The following LONP2 variants were observed in gnomAD, a reference collection of about 807,000 sequenced individuals.
LONP2 encodes lon protease homolog 2, peroxisomal.
In LONP2, 60 loss-of-function variants were observed where a neutral mutation model predicts 85.6. The observed-to-expected ratio is 0.70, with a 90% CI of 0.57 to 0.87. The LOEUF (loss-of-function observed/expected upper bound fraction) is 0.87. LONP2 is among the 40% of genes least tolerant of loss of function. The pLI is 0.00. For missense variants in LONP2, 860 were observed against 1,063.5 expected (o/e 0.81, Z 2.66); for synonymous variants, 395 against 389.7 (o/e 1.01, Z -0.16).
At chr16:48,334,652 C>T (rs533800569) in intron 12 of LONP2, 47 of 604,288 alleles carry the variant, frequency 7.8e-5, no homozygotes, top group South Asian at 5.6e-4. Flanking sequence ...CAGCATCAGG[C>T]GCAGGGTGGA....
chr16:48,270,055 A>G lies in LONP2; in HGVS notation c.1022A>G (p.Asn341Ser), dbSNP rs1972070519. ...DIRAARILLDNDHYAMEKLKK... is the reference protein window; with the variant it reads ...DIRAARILLDSDHYAMEKLKK... ...AGGGCAGCCCGGATTCTTCTGGATA[A>G]TGACCATTACGCCATGGAAAAATTG... is the stretch of plus-strand genomic sequence containing the variant. Residue 341 changes from asparagine to serine, a missense_variant, in exon 7 of 15, where the codon AAT becomes AGT. Asn to Ser is a conservative substitution (Grantham distance 46). This residue lies in a region of LONP2 where 743 missense variants were observed against 917.3 expected (regional missense o/e 0.81). Coordinates refer to ENST00000285737, the MANE Select transcript of LONP2 (RefSeq NM_031490.5). The G allele has an allele frequency of 1.2e-6, 2 of 1,613,938 alleles. No homozygotes were observed. Among genetic ancestry groups the G allele is most frequent in the African/African-American group, 1.3e-5 (1 of 74,924 alleles).
chr16:48,361,571 A>T (rs1428700079), downstream of LONP2: 3 of 1,609,754 alleles, frequency 1.9e-6, no homozygotes, highest in Non-Finnish European at 2.5e-6. Flanking sequence ...AAAATGTTTG[A>T]TTGCCATTTC....
At chr16:48,338,090 G>A (rs1959706644) in intron 12 of LONP2, among the ~76,000 whole-genome samples, 1 of 152,174 alleles carries the variant, frequency 6.6e-6, no homozygotes. Context: ...TTATAGGCAT[G>A]AGCCACCAAA....
intron 11 of LONP2, among the ~76,000 whole-genome samples, chr16:48,323,879 T>G (rs908435045): frequency 1.3e-5 from 2 of 152,188 alleles, no homozygotes; most frequent in Non-Finnish European, 2.9e-5. Context: ...GCATTTGATC[T>G]ACAGATTTCT....
At position 48,249,730 on chromosome 16, in the gene LONP2, A is replaced by AT. The variant is rs201469570; in HGVS notation, c.234-2394dup. Among the ~76,000 whole-genome samples the AT allele has an allele frequency of 5.7e-3, 871 of 151,980 alleles. 6 individuals carry two copies. Among genetic ancestry groups the AT allele is most frequent in the African/African-American group, 0.02 (819 of 41,438 alleles). On this transcript the variant is annotated intron_variant, in intron 1 of 14. Transcript: ENST00000285737. ...ATCTCTGTTAAAAAAAGAAAAAAAAATTTTTTTAAAGGGATAATTTCTAGT... is the reference window on the plus strand; with the variant it reads ...ATCTCTGTTAAAAAAAGAAAAAAAAATTTTTTTTAAAGGGATAATTTCTAGT...
chr16:48,331,800 G>A (rs945528174), intron 11 of LONP2, among the ~76,000 whole-genome samples: 7 of 152,152 alleles, frequency 4.6e-5, no homozygotes, highest in Admixed American at 3.3e-4. Context: ...TCCTGACCTC[G>A]TGATCCACGC....
chr16:48,258,517 A>C, intron 3 of LONP2, 101 bp from the exon 4 acceptor site: 2 of 1,201,834 alleles, frequency 1.7e-6, no homozygotes, highest in Non-Finnish European at 2.3e-6. Flanking sequence ...ACTGTTAATA[A>C]TTTTTTTTTA....
chr16:48,361,468 T>C (rs1363470125), downstream of LONP2: 2 of 979,834 alleles, frequency 2.0e-6, no homozygotes, highest in African/African-American at 1.6e-5. Context: ...TTTACCTTCA[T>C]GTGTCTAGCT....
At position 48,354,929 on chromosome 16, in the gene LONP2, A is replaced by T. The variant is rs1382557640; in HGVS notation, c.*3127A>T. 1 of 152,210 alleles carries T rather than the reference A, an allele frequency of 6.6e-6. No individual in the cohort carries two copies. The highest frequency in any genetic ancestry group is 2.4e-5 in the African/African-American group (1 of 41,442). The allele number at this position is 152,210 out of a possible 1,614,324, so 9.4% of individuals were successfully genotyped here. A position where few individuals can be genotyped will look rare whatever the true frequency, so the allele number is the denominator to read the frequency against. On this transcript the variant is annotated 3_prime_UTR_variant, in exon 15 of 15. Transcript: ENST00000285737. ...TGCCTTGCAGAACCATGACCTATCAAGGTGTTTTGTCAAACAAAAACTAAT... is the reference window on the plus strand; with the variant it reads ...TGCCTTGCAGAACCATGACCTATCATGGTGTTTTGTCAAACAAAAACTAAT...
intron 11 of LONP2, among the ~76,000 whole-genome samples, chr16:48,321,944 CTT>C (rs112813148): frequency 1.4e-5 from 2 of 141,482 alleles, no homozygotes; most frequent in African/African-American, 2.6e-5. Context: ...TAATTTTTTT[CTT>C]TTTTTTTTTT....
chr16:48,340,496 T>C (rs1338780743), intron 12 of LONP2, among the ~76,000 whole-genome samples: 1 of 152,242 alleles, frequency 6.6e-6, no homozygotes, highest in African/African-American at 2.4e-5. Flanking sequence ...TTTACTTTCA[T>C]CGAAGATGAA....
downstream of LONP2, chr16:48,361,222 C>T (rs1235821757): frequency 4.3e-6 from 1 of 233,444 alleles, no homozygotes; most frequent in African/African-American, 2.3e-5. Context: ...CAAACACGCA[C>T]ACACCCACGC....
intron 13 of LONP2, 127 bp from the exon 14 acceptor site, chr16:48,347,973 C>A: frequency 3.4e-6 from 3 of 876,140 alleles, no homozygotes; most frequent in Non-Finnish European, 5.3e-6. Context: ...CCAAATTGTA[C>A]TGTCCACCAA....
chr16:48,297,453 G>T (rs1270685142), intron 9 of LONP2, among the ~76,000 whole-genome samples: 1 of 152,050 alleles, frequency 6.6e-6, no homozygotes, highest in Non-Finnish European at 1.5e-5. Context: ...GGGACTACAG[G>T]TGTGCACCAT....
chr16:48,269,691 C>G (rs1347755350), intron 6 of LONP2, among the ~76,000 whole-genome samples: 1 of 151,908 alleles, frequency 6.6e-6, no homozygotes, highest in Non-Finnish European at 1.5e-5. Flanking sequence ...AAAAAATCAC[C>G]CTTTTTTTTA....
chr16:48,290,937 G>A (rs1298190724), intron 8 of LONP2, among the ~76,000 whole-genome samples: 1 of 152,106 alleles, frequency 6.6e-6, no homozygotes, highest in Non-Finnish European at 1.5e-5. Context: ...AGCTGTGGAG[G>A]GACTGCCAGC....
rs1960146256 is a variant in LONP2 at position 48,351,513 on chromosome 16, G to A, written c.2338-68G>A. ...TAGTGGTTAAATTCAGTGAAAGAAA[G>A]CTGGGTCAGGGTTTCTTTCAGCTTG... On this transcript the variant is annotated intron_variant, in intron 14 of 14. Coordinates refer to ENST00000285737, the MANE Select transcript of LONP2 (RefSeq NM_031490.5). 3 of 1,246,044 alleles carry A rather than the reference G, an allele frequency of 2.4e-6. No homozygotes were observed. The South Asian group carries it at 4.1e-5, about 17-fold the overall frequency. The allele number at this position is 1,246,044 out of a possible 1,614,324, so 77.2% of individuals were successfully genotyped here.
At chr16:48,301,540 C>T (rs1972804625) in intron 10 of LONP2, among the ~76,000 whole-genome samples, 2 of 150,654 alleles carry the variant, frequency 1.3e-5, no homozygotes, top group Admixed American at 1.3e-4. Context: ...GAGGCTGAGG[C>T]AGGGGAATTG....
At chr16:48,310,270 G>A (rs1973002433) in intron 11 of LONP2, among the ~76,000 whole-genome samples, 1 of 151,606 alleles carries the variant, frequency 6.6e-6, no homozygotes, top group Non-Finnish European at 1.5e-5. Context: ...CTTTGAAGTG[G>A]TGCATTCAAG....
Sources: allele counts gnomAD v4.1 joint callset (sites outside exome capture counted in the v4.1 genomes callset), GRCh38; gene constraint gnomAD v4.1.1; regional missense constraint gnomAD v4.1.1; transcripts MANE v1.5; gene names NCBI Gene and HGNC (gene_info 2026-07-23, HGNC 2026-07-21).